The following HPSE2 variants were observed in gnomAD, a reference collection of about 807,000 sequenced individuals.
HPSE2 encodes inactive heparanase-2.
Under a neutral mutation model 60.5 loss-of-function variants are expected in HPSE2, and 38 were observed. The observed-to-expected ratio is 0.63, with a 90% confidence interval of 0.48 to 0.82. HPSE2 has a LOEUF of 0.82. Among genes scored for constraint, HPSE2 ranks in the 40% least tolerant of loss-of-function variants. HPSE2 has a pLI of 0.00. For synonymous variants in HPSE2, 295 were observed against 293.2 expected, an observed-to-expected ratio of 1.01 and a Z score of -0.06; for missense variants, 713 against 740.4, an observed-to-expected ratio of 0.96 and a Z score of 0.43.
chr10:99,234,693 TA>T (rs1281347852), intron 1 of HPSE2, among the ~76,000 whole-genome samples: 1 of 152,146 alleles, frequency 6.6e-6, no homozygotes, highest in Non-Finnish European at 1.5e-5. Flanking sequence ...CCGGGTTTGC[TA>T]ATCTGCTGGT....
At chr10:98,544,437 G>A (rs1373921489) in intron 9 of HPSE2, among the ~76,000 whole-genome samples, 10 of 152,024 alleles carry the variant, frequency 6.6e-5, no homozygotes, top group East Asian at 5.8e-4. Flanking sequence ...AAGGCCGGGC[G>A]CGGTGGCTCA....
intron 3 of HPSE2, among the ~76,000 whole-genome samples, chr10:98,969,965 C>T (rs554967089): frequency 2.0e-5 from 3 of 146,502 alleles, no homozygotes; most frequent in East Asian, 4.1e-4. Flanking sequence ...CTGTCACCCA[C>T]TTTTTTTTTT....
intron 2 of HPSE2, among the ~76,000 whole-genome samples, chr10:99,222,227 A>G (rs1335915026): frequency 6.6e-6 from 1 of 152,098 alleles, no homozygotes. Context: ...AGCTTTGGAG[A>G]GAGACTGCCC....
chr10:98,841,514 A>C (rs1214418600), intron 3 of HPSE2, among the ~76,000 whole-genome samples: 1 of 152,210 alleles, frequency 6.6e-6, no homozygotes, highest in African/African-American at 2.4e-5. Context: ...CACTGTAAGT[A>C]ATCTTCCGGA....
At chr10:98,953,529 C>T (rs143946795) in intron 3 of HPSE2, among the ~76,000 whole-genome samples, 2 of 152,238 alleles carry the variant, frequency 1.3e-5, no homozygotes, top group Non-Finnish European at 2.9e-5. Context: ...CTGTAGTATC[C>T]TGTATTATCT....
chr10:98,761,447 T>C (rs1259976738), intron 3 of HPSE2, among the ~76,000 whole-genome samples: 2 of 152,182 alleles, frequency 1.3e-5, no homozygotes, highest in African/African-American at 4.8e-5. Flanking sequence ...TTGTTCTTCT[T>C]TTTCTAATTC....
chr10:98,838,962 A>C (rs938134777), intron 3 of HPSE2, among the ~76,000 whole-genome samples: 1 of 152,196 alleles, frequency 6.6e-6, no homozygotes, highest in Non-Finnish European at 1.5e-5. Flanking sequence ...ATGATCTAGT[A>C]CAAATTTAAA....
chr10:98,508,976 G>T (rs1464701895), intron 9 of HPSE2, among the ~76,000 whole-genome samples: 2 of 152,210 alleles, frequency 1.3e-5, no homozygotes, highest in Non-Finnish European at 2.9e-5. Context: ...CTTTTAGCAA[G>T]TTGACTTTCA....
intron 6 of HPSE2, among the ~76,000 whole-genome samples, chr10:98,668,249 C>T (rs1947418787): frequency 6.6e-6 from 1 of 152,024 alleles, no homozygotes; most frequent in South Asian, 2.1e-4. Flanking sequence ...CAAAATACTG[C>T]TGAAAGTAAT....
intron 9 of HPSE2, among the ~76,000 whole-genome samples, chr10:98,547,935 T>A (rs1943743246): frequency 6.6e-6 from 1 of 152,054 alleles, no homozygotes; most frequent in African/African-American, 2.4e-5. Flanking sequence ...TAGACAAAAT[T>A]TCAAGAAGTT....
At chr10:99,204,905 A>G (rs1193798411) in intron 2 of HPSE2, among the ~76,000 whole-genome samples, 1 of 152,272 alleles carries the variant, frequency 6.6e-6, no homozygotes, top group Non-Finnish European at 1.5e-5. Context: ...ATATTTTTCA[A>G]CACTTTGCAG....
intron 3 of HPSE2, among the ~76,000 whole-genome samples, chr10:98,759,725 A>C (rs532151082): frequency 6.3e-4 from 96 of 152,078 alleles, no homozygotes; most frequent in African/African-American, 2.3e-3. Flanking sequence ...ATCAGAGAGT[A>C]TGATGCCTCC....
intron 6 of HPSE2, among the ~76,000 whole-genome samples, chr10:98,659,796 T>C (rs2134082948): frequency 6.6e-6 from 1 of 152,084 alleles, no homozygotes; most frequent in East Asian, 1.9e-4. Flanking sequence ...CATGAAAAAT[T>C]AGAAAGATAA....
At chr10:98,821,477 T>C (rs769543658) in intron 3 of HPSE2, among the ~76,000 whole-genome samples, 28 of 152,214 alleles carry the variant, frequency 1.8e-4, no homozygotes, top group Non-Finnish European at 4.1e-4. Context: ...GTCATATATG[T>C]GGTCAGTTGA....
chr10:99,096,132 A>T (rs939330608), intron 3 of HPSE2, among the ~76,000 whole-genome samples: 2 of 152,210 alleles, frequency 1.3e-5, no homozygotes, highest in Non-Finnish European at 2.9e-5. Flanking sequence ...AATTGAGATC[A>T]TTCAGCAGAT....
intron 3 of HPSE2, among the ~76,000 whole-genome samples, chr10:99,015,762 T>C (rs1347789846): frequency 1.3e-5 from 2 of 152,204 alleles, no homozygotes; most frequent in Non-Finnish European, 2.9e-5. Context: ...GGCACATGTA[T>C]ACATATGTAA....
At chr10:98,832,772 A>C (rs1483310999) in intron 3 of HPSE2, among the ~76,000 whole-genome samples, 1 of 152,222 alleles carries the variant, frequency 6.6e-6, no homozygotes, top group Non-Finnish European at 1.5e-5. Flanking sequence ...AGAAATGTGT[A>C]TATTAGGTGG....
intron 3 of HPSE2, among the ~76,000 whole-genome samples, chr10:99,044,976 G>C (rs1338598137): frequency 2.0e-5 from 3 of 152,044 alleles, no homozygotes; most frequent in African/African-American, 4.8e-5. Flanking sequence ...AACTTACAAA[G>C]AAACTATGGA....
chr10:99,189,303 T>C (rs1262593885), intron 2 of HPSE2, among the ~76,000 whole-genome samples: 4 of 152,192 alleles, frequency 2.6e-5, no homozygotes, highest in Admixed American at 6.5e-5. Context: ...CTTGTATTTA[T>C]ATAAACAGGC....
Sources: allele counts gnomAD v4.1 joint callset (sites outside exome capture counted in the v4.1 genomes callset), GRCh38; gene constraint gnomAD v4.1.1; transcripts MANE v1.5; gene names NCBI Gene and HGNC (gene_info 2026-07-23, HGNC 2026-07-21).